Variants in DTD1 observed in about 807,000 individuals in gnomAD.
The protein encoded by DTD1 is D-tyrosyl-tRNA deacylase 1 homolog.
A neutral mutation model predicts 25.6 loss-of-function variants in DTD1; 13 were observed. That is an observed-to-expected ratio of 0.51 (90% CI 0.33 to 0.81). DTD1 has a LOEUF of 0.81. DTD1 is among the 30% of genes least tolerant of loss of function. The pLI, the probability that DTD1 is intolerant of heterozygous loss-of-function variation, is 0.02. For synonymous variants in DTD1, 110 were observed against 103.6 expected, an observed-to-expected ratio of 1.06 and a Z score of -0.37; for missense variants, 193 against 266.4, an observed-to-expected ratio of 0.72 and a Z score of 1.92.
At chr20:18,711,012 T>C (rs2061156400) in intron 4 of DTD1, among the ~76,000 whole-genome samples, 2 of 152,212 alleles carry the variant, frequency 1.3e-5, no homozygotes. Flanking sequence ...ATCACTTTGG[T>C]TACTTTGGGT....
intron 5 of DTD1, among the ~76,000 whole-genome samples, chr20:18,751,835 C>A (rs2061322370): frequency 8.1e-6 from 1 of 122,898 alleles, no homozygotes; most frequent in Non-Finnish European, 1.9e-5. Context: ...GACTTCTAGA[C>A]TTGTAGTTTT....
chr20:18,595,955 TG>T (rs779047169), intron 2 of DTD1, 50 bp from the exon 3 acceptor site: 36 of 1,533,468 alleles, frequency 2.3e-5, no homozygotes, highest in Non-Finnish European at 3.2e-5. Flanking sequence ...TGGAGTGTGT[TG>T]GGGGGCTTGT....
At chr20:18,729,692 G>A (rs1357727957) in intron 4 of DTD1, among the ~76,000 whole-genome samples, 2 of 152,212 alleles carry the variant, frequency 1.3e-5, no homozygotes, top group Non-Finnish European at 2.9e-5. Context: ...TAGCTGAAAA[G>A]GAGTATCTGT....
intron 4 of DTD1, among the ~76,000 whole-genome samples, chr20:18,701,436 G>A (rs745548521): frequency 7.2e-5 from 11 of 152,222 alleles, no homozygotes; most frequent in Admixed American, 7.2e-4. Flanking sequence ...CCAGACCCTG[G>A]CCATATGTTT....
chr20:18,735,432 G>T (rs1436219751), intron 4 of DTD1, among the ~76,000 whole-genome samples: 1 of 152,236 alleles, frequency 6.6e-6, no homozygotes, highest in Non-Finnish European at 1.5e-5. Context: ...CTGAGACCTG[G>T]TGCTCCTCCC....
At chr20:18,725,280 A>G (rs2061219142) in intron 4 of DTD1, among the ~76,000 whole-genome samples, 1 of 152,210 alleles carries the variant, frequency 6.6e-6, no homozygotes, top group Non-Finnish European at 1.5e-5. Flanking sequence ...CCATGGCAGT[A>G]GTAACTGGAG....
chr20:18,614,140 C>T (rs1439307034), intron 3 of DTD1, among the ~76,000 whole-genome samples: 1 of 152,098 alleles, frequency 6.6e-6, no homozygotes, highest in African/African-American at 2.4e-5. Flanking sequence ...GCCTCTTCTT[C>T]TATTGTAATG....
At position 18,670,855 on chromosome 20, in the gene DTD1, A is replaced by G. The variant is rs1366698557; in HGVS notation, c.477+42622A>G. On this transcript the variant is annotated intron_variant, in intron 4 of 5. Coordinates refer to ENST00000377452, the MANE Select transcript of DTD1 (RefSeq NM_080820.6). Reference sequence around the variant, plus strand: ...ATTGTCATCATCATCAGTATCACCTATTAACAGAAAAACGTGAGTCTCAAG... The same window carrying G: ...ATTGTCATCATCATCAGTATCACCTGTTAACAGAAAAACGTGAGTCTCAAG... 2.0e-5 allele frequency among the ~76,000 whole-genome samples: 3 copies of G among 152,250 alleles called. No individual in the cohort carries two copies. The East Asian group carries it at 5.8e-4, about 29-fold the overall frequency.
chr20:18,731,462 A>G (rs908098826), intron 4 of DTD1, among the ~76,000 whole-genome samples: 1 of 152,268 alleles, frequency 6.6e-6, no homozygotes, highest in Non-Finnish European at 1.5e-5. Flanking sequence ...TCAATATCAC[A>G]TAATACCTGA....
At chr20:18,671,410 A>G (rs905348764) in intron 4 of DTD1, among the ~76,000 whole-genome samples, 9 of 152,186 alleles carry the variant, frequency 5.9e-5, no homozygotes, top group Non-Finnish European at 2.9e-5. Context: ...CAAGGCCTTT[A>G]TCCCGTCTCC....
At chr20:18,714,921 C>A (rs1323919967) in intron 4 of DTD1, among the ~76,000 whole-genome samples, 1 of 152,192 alleles carries the variant, frequency 6.6e-6, no homozygotes, top group Non-Finnish European at 1.5e-5. Context: ...GGTGATATGA[C>A]ATTGGTGATA....
chr20:18,677,306 A>G (rs1017191559), intron 4 of DTD1, among the ~76,000 whole-genome samples: 2 of 151,800 alleles, frequency 1.3e-5, no homozygotes, highest in African/African-American at 4.8e-5. Flanking sequence ...TGGAGCTGTG[A>G]CTGTTCAACT....
intron 4 of DTD1, among the ~76,000 whole-genome samples, chr20:18,684,997 G>T (rs1294838270): frequency 6.6e-6 from 1 of 151,938 alleles, no homozygotes; most frequent in African/African-American, 2.4e-5. Flanking sequence ...AAACTGGGCT[G>T]AAGCAGTCCT....
chr20:18,718,478 G>A (rs1228767672), intron 4 of DTD1, among the ~76,000 whole-genome samples: 1 of 152,144 alleles, frequency 6.6e-6, no homozygotes, highest in Non-Finnish European at 1.5e-5. Flanking sequence ...GTTTACATTT[G>A]GAAAAATTAG....
intron 3 of DTD1, among the ~76,000 whole-genome samples, chr20:18,622,891 CCT>C (rs1227465940): frequency 6.6e-6 from 1 of 151,742 alleles, no homozygotes; most frequent in African/African-American, 2.4e-5. Flanking sequence ...CTTTACCTGT[CCT>C]CTCCTTCACA....
intron 4 of DTD1, among the ~76,000 whole-genome samples, chr20:18,668,954 C>T (rs1187264518): frequency 6.6e-6 from 1 of 152,172 alleles, no homozygotes; most frequent in African/African-American, 2.4e-5. Flanking sequence ...TAACGAGCAT[C>T]TTTGAGGTGC....
rs574361103 is a variant in DTD1, at chr20:18,661,513, A to G, written c.477+33280A>G. ...CAGCCTCCTGAGTAGCTGGGACTACAGGTGCCCGCCAGCACGCCTGGCTAA... is the reference window on the plus strand; with the variant it reads ...CAGCCTCCTGAGTAGCTGGGACTACGGGTGCCCGCCAGCACGCCTGGCTAA... On this transcript the variant is annotated intron_variant, in intron 4 of 5. Coordinates refer to ENST00000377452, the MANE Select transcript of DTD1 (RefSeq NM_080820.6). 3.3e-5 allele frequency among the ~76,000 whole-genome samples: 5 copies of G among 152,052 alleles called. No homozygotes were observed. In the East Asian group the frequency reaches 5.8e-4, roughly 18 times the overall value.
At chr20:18,633,514 C>T (rs1004112326) in intron 4 of DTD1, among the ~76,000 whole-genome samples, 1 of 152,126 alleles carries the variant, frequency 6.6e-6, no homozygotes, top group Non-Finnish European at 1.5e-5. Flanking sequence ...ACTGCCCTGT[C>T]CAGGGAGGTG....
chr20:18,665,532 A>G (rs2060928550), intron 4 of DTD1, among the ~76,000 whole-genome samples: 1 of 152,144 alleles, frequency 6.6e-6, no homozygotes, highest in Admixed American at 6.5e-5. Flanking sequence ...AGTGTGGGTT[A>G]CTCAACTTAG....
Sources: allele counts gnomAD v4.1 joint callset (sites outside exome capture counted in the v4.1 genomes callset), GRCh38; gene constraint gnomAD v4.1.1; transcripts MANE v1.5; gene names NCBI Gene and HGNC (gene_info 2026-07-23, HGNC 2026-07-21).